Variants in LTBP1 observed in about 807,000 individuals in gnomAD.
The protein encoded by LTBP1 is latent-transforming growth factor beta-binding protein 1.
In LTBP1, 129 loss-of-function variants were observed where a neutral mutation model predicts 207.6. The ratio of observed to expected loss-of-function variants is 0.62; its 90% CI spans 0.54 to 0.72. The LOEUF (loss-of-function observed/expected upper bound fraction) is 0.72. Ranked by LOEUF, LTBP1 falls within the 30% of genes least tolerant of loss-of-function variation. The pLI, the probability that LTBP1 is intolerant of heterozygous loss-of-function variation, is 0.00. For missense variants in LTBP1, 2,281 were observed against 2,217.2 expected, an observed-to-expected ratio of 1.03 and a Z score of -0.58; for synonymous variants, 963 against 833.7, an observed-to-expected ratio of 1.16 and a Z score of -2.67.
chr2:33,212,144 C>T (rs1455791503), intron 7 of LTBP1, among the ~76,000 whole-genome samples: 1 of 152,156 alleles, frequency 6.6e-6, no homozygotes, highest in Non-Finnish European at 1.5e-5. Flanking sequence ...TCTTGAACAG[C>T]CTTACCTTCT....
At chr2:33,335,336 T>C (rs1296461367) in intron 24 of LTBP1, among the ~76,000 whole-genome samples, 1 of 152,000 alleles carries the variant, frequency 6.6e-6, no homozygotes, top group Non-Finnish European at 1.5e-5. Flanking sequence ...GTCCCCGTGT[T>C]TTTTTCCTGC....
chr2:33,002,768 C>T (rs1176918357), intron 2 of LTBP1, among the ~76,000 whole-genome samples: 1 of 151,994 alleles, frequency 6.6e-6, no homozygotes, highest in Non-Finnish European at 1.5e-5. Context: ...ACCTCTGGCT[C>T]CCTGGTTCAA....
intron 10 of LTBP1, among the ~76,000 whole-genome samples, chr2:33,250,347 G>A (rs921050927): frequency 1.3e-5 from 2 of 152,166 alleles, no homozygotes; most frequent in African/African-American, 4.8e-5. Flanking sequence ...CTTTAAGATG[G>A]TTGACTAGAG....
In LTBP1 at chr2:33,138,215, C is replaced by T. The variant is rs558080900; in HGVS notation, c.1201+3255C>T. Among the ~76,000 whole-genome samples, 4 of 152,264 alleles carry T rather than the reference C, an allele frequency of 2.6e-5. No homozygotes were observed. The South Asian group carries it at 8.3e-4, about 32-fold the overall frequency. The stretch of plus-strand genomic sequence containing the variant: ...GTGTGAAAGGCAGCAGGTATTTTCG[C>T]ATGACTATTGAGCATGCAGTCTCTG... On this transcript the variant is annotated intron_variant, in intron 5 of 33. Transcript: ENST00000404816.
chr2:33,245,351 T>C (rs2092475226), intron 10 of LTBP1, among the ~76,000 whole-genome samples: 1 of 152,254 alleles, frequency 6.6e-6, no homozygotes, highest in African/African-American at 2.4e-5. Flanking sequence ...GTAGAGGTGA[T>C]AAAATAAAGA....
chr2:33,361,322 G>T (rs1377923784), intron 27 of LTBP1, 107 bp from the exon 28 acceptor site: 1 of 590,592 alleles, frequency 1.7e-6, no homozygotes, highest in Non-Finnish European at 2.9e-6. Flanking sequence ...TTTATTTGCT[G>T]GAATTGCCTT....
chr2:33,242,604 C>G (rs1038027599), intron 9 of LTBP1, among the ~76,000 whole-genome samples: 1 of 151,694 alleles, frequency 6.6e-6, no homozygotes, highest in Non-Finnish European at 1.5e-5. Flanking sequence ...GATTAGGAGC[C>G]TCCCAGACAT....
chr2:32,959,619 A>ATTTTTT lies in LTBP1; in HGVS notation c.565+10675_565+10676insTTTTTT, dbSNP rs1378144146. On this transcript the variant is annotated intron_variant, in intron 2 of 33. Transcript: ENST00000404816. Reference sequence around the variant, plus strand: ...CGTGTATATATATATATATATATATATATTTTTTTTTTTTTTTTTGAGATG... The same window carrying ATTTTTT: ...CGTGTATATATATATATATATATATATTTTTTTATTTTTTTTTTTTTTTTTGAGATG... Among the ~76,000 whole-genome samples the ATTTTTT allele has an allele frequency of 6.7e-4, 32 of 48,086 alleles. 1 individual carries two copies. Among genetic ancestry groups the ATTTTTT allele is most frequent in the African/African-American group, 1.2e-3 (17 of 14,078 alleles). The allele number at this position is 48,086 out of a possible 152,430, so 31.5% of individuals were successfully genotyped here.
At chr2:33,150,519 T>C (rs1417696983) in intron 5 of LTBP1, among the ~76,000 whole-genome samples, 2 of 151,764 alleles carry the variant, frequency 1.3e-5, no homozygotes, top group East Asian at 3.9e-4. Context: ...ATAATAACTT[T>C]TCATCATCTC....
chr2:33,115,778 C>G (rs2080714460), intron 4 of LTBP1, among the ~76,000 whole-genome samples: 1 of 151,870 alleles, frequency 6.6e-6, no homozygotes, highest in Non-Finnish European at 1.5e-5. Flanking sequence ...TTTGGAAGAC[C>G]ATCTTATAAA....
At chr2:33,019,874 A>T (rs1008902337) in intron 2 of LTBP1, among the ~76,000 whole-genome samples, 64 of 135,040 alleles carry the variant, frequency 4.7e-4, no homozygotes, top group Admixed American at 1.2e-3. Flanking sequence ...AGCTAATTAA[A>T]TTTTTTTTTT....
chr2:32,967,130 AT>A (rs1680124870), intron 2 of LTBP1, among the ~76,000 whole-genome samples: 1 of 152,064 alleles, frequency 6.6e-6, no homozygotes, highest in South Asian at 2.1e-4. Context: ...ATATTCCTTT[AT>A]TATTCCTTTA....
intron 22 of LTBP1, among the ~76,000 whole-genome samples, chr2:33,302,133 G>C (rs2093998407): frequency 6.6e-6 from 1 of 152,156 alleles, no homozygotes; most frequent in Non-Finnish European, 1.5e-5. Context: ...TACTTGTTTG[G>C]CTAAGAAGCT....
chr2:33,204,451 A>G (rs1340117159), intron 7 of LTBP1, among the ~76,000 whole-genome samples: 1 of 152,264 alleles, frequency 6.6e-6, no homozygotes. Flanking sequence ...AATATTTTAA[A>G]CAAAGAGAGC....
At chr2:33,348,793 A>C (rs1308217197) in intron 26 of LTBP1, among the ~76,000 whole-genome samples, 2 of 152,214 alleles carry the variant, frequency 1.3e-5, no homozygotes, top group South Asian at 2.1e-4. Flanking sequence ...CAATGATCAC[A>C]CTCTGTAGAG....
At chr2:33,179,199 T>C (rs1034041369) in intron 5 of LTBP1, among the ~76,000 whole-genome samples, 1 of 129,968 alleles carries the variant, frequency 7.7e-6, no homozygotes, top group African/African-American at 3.9e-5. Flanking sequence ...CTTTCTGTGA[T>C]TTTTTTTAAA....
rs535099037 is a variant in LTBP1 at position 33,328,135 on chromosome 2, C to CAATAAATAAATAAATAAATAAATAAATA, written c.3730+12873_3730+12900dup. Among the ~76,000 whole-genome samples the CAATAAATAAATAAATAAATAAATAAATA allele has an allele frequency of 3.4e-3, 461 of 134,190 alleles. 2 individuals are homozygous for CAATAAATAAATAAATAAATAAATAAATA. Among genetic ancestry groups the CAATAAATAAATAAATAAATAAATAAATA allele is most frequent in the Non-Finnish European group, 4.1e-3 (262 of 64,188 alleles). 88.0% of individuals were successfully genotyped at this position (134,190 alleles called of 152,430 possible). A position where few individuals can be genotyped will look rare whatever the true frequency, so the allele number is the denominator to read the frequency against. ...GGACAACAAGAGTGAGACTCTGTCTCAATAAATAAATAAATAAATAAATAA... is the reference window on the plus strand; with the variant it reads ...GGACAACAAGAGTGAGACTCTGTCTCAATAAATAAATAAATAAATAAATAAATAAATAAATAAATAAATAAATAAATAA... On this transcript the variant is annotated intron_variant, in intron 24 of 33. Transcript: ENST00000404816.
At chr2:33,208,020 C>T (rs567721080) in intron 7 of LTBP1, among the ~76,000 whole-genome samples, 38 of 152,338 alleles carry the variant, frequency 2.5e-4, no homozygotes, top group South Asian at 1.7e-3. Flanking sequence ...CAGTACTTTT[C>T]CCATAGGGGA....
chr2:33,235,422 T>C (rs915616503), intron 9 of LTBP1, among the ~76,000 whole-genome samples: 7 of 152,112 alleles, frequency 4.6e-5, no homozygotes, highest in African/African-American at 1.7e-4. Flanking sequence ...GGAGAGGATA[T>C]GGAGAAATAG....
Sources: allele counts gnomAD v4.1 joint callset (sites outside exome capture counted in the v4.1 genomes callset), GRCh38; gene constraint gnomAD v4.1.1; transcripts MANE v1.5; gene names NCBI Gene and HGNC (gene_info 2026-07-23, HGNC 2026-07-21).